The following MMP2 variants were observed in gnomAD, a reference collection of about 807,000 sequenced individuals.
MMP2 encodes 72 kDa type IV collagenase.
In MMP2, 39 loss-of-function variants were observed where a neutral mutation model predicts 74.8. That is an observed-to-expected ratio of 0.52 (90% confidence interval 0.40 to 0.68). MMP2 has a LOEUF of 0.68. MMP2 is among the 30% of genes least tolerant of loss of function. The pLI is 0.00. For missense variants in MMP2, 803 were observed against 878.3 expected (o/e 0.91, Z 1.08); for synonymous variants, 367 against 339.8 (o/e 1.08, Z -0.88).
chr16:55,482,219 A>T (rs982994601), intron 1 of MMP2, among the ~76,000 whole-genome samples: 1 of 152,162 alleles, frequency 6.6e-6, no homozygotes, highest in Non-Finnish European at 1.5e-5. Flanking sequence ...CTCTGCAGGG[A>T]CCTGCTCAGT....
intron 5 of MMP2, among the ~76,000 whole-genome samples, chr16:55,485,985 C>T (rs1210012634): frequency 6.6e-6 from 1 of 152,170 alleles, no homozygotes; most frequent in Non-Finnish European, 1.5e-5. Flanking sequence ...GAACGTAGTA[C>T]TCTAATTAAA....
intron 8 of MMP2, among the ~76,000 whole-genome samples, chr16:55,492,847 T>C (rs766759809): frequency 6.8e-4 from 103 of 152,192 alleles, no homozygotes; most frequent in Non-Finnish European, 1.0e-3. Context: ...GTTTGAATCC[T>C]TGGGCAAGTC....
chr16:55,484,937 T>A (rs1962203586), intron 3 of MMP2, among the ~76,000 whole-genome samples: 1 of 152,038 alleles, frequency 6.6e-6, no homozygotes, highest in Admixed American at 6.6e-5. Context: ...AAGAGGGCAG[T>A]ATTGACAGGA....
In MMP2 at chr16:55,479,454, G is replaced by T. The variant is rs1463441964; in HGVS notation, c.-26G>T. The T allele has an allele frequency of 1.4e-6, 2 of 1,477,956 alleles. No individual in the cohort carries two copies. The highest frequency in any genetic ancestry group is 8.9e-7 in the Non-Finnish European group (1 of 1,118,174). The allele number at this position is 1,477,956 out of a possible 1,614,324, so 91.6% of individuals were successfully genotyped here. On this transcript the variant is annotated 5_prime_UTR_variant, in exon 1 of 13. Transcript: ENST00000219070. ...CGCACCGAGCCAGCGACCCCCGGGC[G>T]ACGCGCGGGGCCAGGGAGCGCTACG...
At chr16:55,504,943 C>T (rs1426327906) in intron 12 of MMP2, among the ~76,000 whole-genome samples, 19 of 145,626 alleles carry the variant, frequency 1.3e-4, no homozygotes, top group Non-Finnish European at 7.5e-5. Flanking sequence ...TGAGCCACCG[C>T]GCCCCGCCAC....
chr16:55,481,986 G>A, intron 1 of MMP2: 1 of 562,262 alleles, frequency 1.8e-6, no homozygotes, highest in East Asian at 3.0e-5. Flanking sequence ...ACCGTTGTCA[G>A]AAGATCTCCT....
chr16:55,494,426 A>G (rs1962486102), intron 9 of MMP2, among the ~76,000 whole-genome samples: 1 of 152,244 alleles, frequency 6.6e-6, no homozygotes, highest in Non-Finnish European at 1.5e-5. Flanking sequence ...ATTGTTATTG[A>G]CAAATAATTG....
intron 11 of MMP2, 29 bp from the exon 12 acceptor site, chr16:55,502,750 G>C (rs1285050517): frequency 1.3e-6 from 2 of 1,592,584 alleles, no homozygotes; most frequent in Non-Finnish European, 1.7e-6. Flanking sequence ...GAGAGGCCCT[G>C]CTGGTTCACT....
rs1415657947 is a variant in MMP2, at chr16:55,482,340, G to A, written c.154-569G>A. Among the ~76,000 whole-genome samples, 3 of 152,140 alleles carry A rather than the reference G, an allele frequency of 2.0e-5. No individual in the cohort carries two copies. In the East Asian group the frequency reaches 5.8e-4, roughly 29 times the overall value. ...AAACCCAGGTCTGTCTACTGCCAGA[G>A]CCCATGCACATAGTCCTTGAATCTC... On this transcript the variant is annotated intron_variant, in intron 1 of 12. Coordinates refer to ENST00000219070, the MANE Select transcript of MMP2 (RefSeq NM_004530.6).
At chr16:55,502,991 C>T (rs1962709091) in intron 12 of MMP2, 103 bp downstream of exon 12, 1 of 921,996 alleles carries the variant, frequency 1.1e-6, no homozygotes. Flanking sequence ...GGCAGGCAGG[C>T]AGGCGGCGCC....
chr16:55,498,186 G>T, intron 10 of MMP2, 103 bp from the exon 11 acceptor site: 1 of 1,451,948 alleles, frequency 6.9e-7, no homozygotes, highest in South Asian at 1.1e-5. Flanking sequence ...GCACTCTGTT[G>T]GGAATGGCTG....
At chr16:55,485,243 G>A in intron 3 of MMP2, 56 bp from the exon 4 acceptor site, 1 of 1,595,864 alleles carries the variant, frequency 6.3e-7, no homozygotes, top group Non-Finnish European at 8.5e-7. Context: ...GGGGTGTGGA[G>A]GGGTTTCAGG....
intron 4 of MMP2, 73 bp from the exon 5 acceptor site, chr16:55,485,531 G>T: frequency 9.3e-6 from 15 of 1,611,444 alleles, no homozygotes; most frequent in Non-Finnish European, 1.2e-5. Flanking sequence ...TCACACATCT[G>T]GGTGAGTCAG....
At position 55,500,494 on chromosome 16, in the gene MMP2, TACACACACACACACAC is replaced by T. The variant is rs55996787; in HGVS notation, c.1769+2076_1769+2091del. 9.8e-4 allele frequency among the ~76,000 whole-genome samples: 134 copies of T among 136,274 alleles called. 1 individual carries two copies. The Middle Eastern group carries it at 0.026, about 27-fold the overall frequency. The allele number at this position is 136,274 out of a possible 152,430, so 89.4% of individuals were successfully genotyped here. On this transcript the variant is annotated intron_variant, in intron 11 of 12. Coordinates refer to ENST00000219070, the MANE Select transcript of MMP2 (RefSeq NM_004530.6). ...ACATGATTGTGTGCGCATGTGCGCA[TACACACACACACACAC>T]ACACACACACACACACACACACACA...
At chr16:55,494,854 G>T (rs946330965) in intron 9 of MMP2, among the ~76,000 whole-genome samples, 1 of 152,232 alleles carries the variant, frequency 6.6e-6, no homozygotes, top group Admixed American at 6.5e-5. Flanking sequence ...TTTGAGCAGA[G>T]CCTTCAAAGG....
chr16:55,502,552 T>C (rs1167084307), intron 11 of MMP2, among the ~76,000 whole-genome samples: 1 of 152,144 alleles, frequency 6.6e-6, no homozygotes, highest in African/African-American at 2.4e-5. Flanking sequence ...TGAGATTGTT[T>C]TTATGGGGTC....
intron 9 of MMP2, among the ~76,000 whole-genome samples, chr16:55,493,816 C>T (rs1449576222): frequency 6.6e-6 from 1 of 152,188 alleles, no homozygotes; most frequent in African/African-American, 2.4e-5. Flanking sequence ...TACCACAGGC[C>T]TTCTAGAATG....
At position 55,493,159 on chromosome 16, in the gene MMP2, G is replaced by A. The variant is rs1283464994; in HGVS notation, c.1338G>A (p.Gly446=). Residue 446 remains glycine (G), a splice_region_variant and synonymous_variant, in exon 9 of 13, where the codon GGG becomes GGA. Transcript: ENST00000219070. ...DDIKGIQELY[G]ASPDIDLGTG... ...TCTAAGGTCAGGTGTTCTCCCCAGG[G>A]GCCTCTCCTGACATTGACCTTGGCA... 2 of 1,613,558 alleles carry A rather than the reference G, an allele frequency of 1.2e-6. No individual in the cohort carries two copies. The highest frequency in any genetic ancestry group is 4.5e-5 in the East Asian group (2 of 44,852).
At chr16:55,495,391 G>A (rs1328435280) in intron 9 of MMP2, among the ~76,000 whole-genome samples, 1 of 152,178 alleles carries the variant, frequency 6.6e-6, no homozygotes, top group African/African-American at 2.4e-5. Flanking sequence ...CGTGATGAGT[G>A]TTTAATGGGT....
Sources: gnomAD v4.1 joint callset for allele counts (sites outside exome capture counted in the v4.1 genomes callset) on GRCh38, gnomAD v4.1.1 for gene constraint, MANE v1.5 for transcripts, NCBI Gene and HGNC (gene_info 2026-07-23, HGNC 2026-07-21) for gene names.